The following L3MBTL4 variants were observed in gnomAD, a reference collection of about 807,000 sequenced individuals.
L3MBTL4 encodes the protein lethal(3)malignant brain tumor-like protein 4.
A neutral mutation model predicts 84.5 loss-of-function variants in L3MBTL4; 70 were observed. The observed-to-expected ratio is 0.83, with a 90% CI of 0.68 to 1.01. L3MBTL4 has a LOEUF of 1.01. Among genes scored for constraint, L3MBTL4 ranks in the 50% least tolerant of loss-of-function variants. L3MBTL4 has a pLI of 0.00. For synonymous variants in L3MBTL4, 274 were observed against 259.8 expected, an observed-to-expected ratio of 1.05 and a Z score of -0.52; for missense variants, 715 against 754.8, an observed-to-expected ratio of 0.95 and a Z score of 0.62.
intron 10 of L3MBTL4, among the ~76,000 whole-genome samples, chr18:6,230,587 G>T (rs2046958530): frequency 6.6e-6 from 1 of 151,918 alleles, no homozygotes; most frequent in Admixed American, 6.6e-5. Flanking sequence ...TATTCCTTTG[G>T]GTATATACTC....
At position 6,007,284 on chromosome 18, in the gene L3MBTL4, C is replaced by G. The variant is rs1450289746; in HGVS notation, c.1445-37722G>C. ...GCTAAGAAAAAAACTAACGTGGCAA[C>G]AGAAAGATTGCCCAATCAAACACAA... is the stretch of plus-strand genomic sequence containing the variant. On this transcript the variant is annotated intron_variant, in intron 16 of 18. Coordinates refer to ENST00000317931, the MANE Select transcript of L3MBTL4 (RefSeq NM_001330559.2). Among the ~76,000 whole-genome samples the G allele has an allele frequency of 2.0e-5, 3 of 150,962 alleles. No individual in the cohort carries two copies. The East Asian group carries it at 5.8e-4, about 29-fold the overall frequency.
intron 16 of L3MBTL4, among the ~76,000 whole-genome samples, chr18:6,053,566 C>T (rs11664944): frequency 0.13 from 19,858 of 152,202 alleles, 1,704 homozygotes; most frequent in Middle Eastern, 0.19. Flanking sequence ...TCATTAATGG[C>T]CTGTTCACTA....
At chr18:6,323,331 G>C (rs1364660711) in intron 1 of L3MBTL4, among the ~76,000 whole-genome samples, 1 of 152,226 alleles carries the variant, frequency 6.6e-6, no homozygotes, top group Non-Finnish European at 1.5e-5. Flanking sequence ...AACAGGCAGA[G>C]GCTGGAAGAG....
At chr18:6,334,430 G>C (rs538868221) in intron 1 of L3MBTL4, among the ~76,000 whole-genome samples, 17 of 152,210 alleles carry the variant, frequency 1.1e-4, no homozygotes, top group African/African-American at 3.9e-4. Context: ...TCAGTACTCA[G>C]ACTCGGAAGG....
rs575000853 is a variant in L3MBTL4 at position 5,991,949 on chromosome 18, G to A, written c.1445-22387C>T. On this transcript the variant is annotated intron_variant, in intron 16 of 18. Coordinates refer to ENST00000317931, the MANE Select transcript of L3MBTL4 (RefSeq NM_001330559.2). ...CGAGAAACCTCTATTGTGTAGCCCTGGGCTGTGGCTTTTGGCCAACAGTAC... is the reference window on the plus strand; with the variant it reads ...CGAGAAACCTCTATTGTGTAGCCCTAGGCTGTGGCTTTTGGCCAACAGTAC... 2.0e-5 allele frequency among the ~76,000 whole-genome samples: 3 copies of A among 151,288 alleles called. No individual in the cohort carries two copies. In the East Asian group the frequency reaches 5.9e-4, roughly 30 times the overall value.
At chr18:6,003,533 T>C (rs568799509) in intron 16 of L3MBTL4, among the ~76,000 whole-genome samples, 14 of 152,156 alleles carry the variant, frequency 9.2e-5, no homozygotes, top group South Asian at 2.1e-4. Flanking sequence ...AGAGGACTTG[T>C]ATGACACAAT....
chr18:5,958,130 A>AAGAAGAAGAAG (rs1555616536), intron 18 of L3MBTL4, among the ~76,000 whole-genome samples: 2 of 31,814 alleles, frequency 6.3e-5, no homozygotes, highest in Non-Finnish European at 1.6e-4. Flanking sequence ...AGAAGAAGAA[A>AAGAAGAAGAAG]AAGAAGAAGA....
intron 1 of L3MBTL4, among the ~76,000 whole-genome samples, chr18:6,332,293 C>T (rs2143187981): frequency 6.6e-6 from 1 of 152,266 alleles, no homozygotes; most frequent in Non-Finnish European, 1.5e-5. Context: ...TTAAAATAAG[C>T]CAAAGAGTTG....
intron 1 of L3MBTL4, among the ~76,000 whole-genome samples, chr18:6,333,914 C>G (rs1347201515): frequency 6.6e-6 from 1 of 152,188 alleles, no homozygotes; most frequent in Non-Finnish European, 1.5e-5. Flanking sequence ...TTACATATAT[C>G]TGTACTATCT....
intron 1 of L3MBTL4, among the ~76,000 whole-genome samples, chr18:6,345,417 CAAACAAAA>C (rs1386305164): frequency 2.7e-4 from 41 of 149,774 alleles, no homozygotes; most frequent in Admixed American, 4.6e-4. Context: ...AACAAACAAA[CAAACAAAA>C]AAAACCATAA....
chr18:6,148,218 A>T (rs995106517), intron 13 of L3MBTL4, among the ~76,000 whole-genome samples: 1 of 152,244 alleles, frequency 6.6e-6, no homozygotes, highest in East Asian at 1.9e-4. Context: ...AAAATGTCAC[A>T]TTAGTATTTT....
At chr18:5,987,886 C>T (rs2053534973) in intron 16 of L3MBTL4, among the ~76,000 whole-genome samples, 1 of 141,532 alleles carries the variant, frequency 7.1e-6, no homozygotes, top group African/African-American at 3.0e-5. Context: ...ACTTAATTCC[C>T]TGTTTAAAAA....
At chr18:5,959,092 G>T (rs182876440) in intron 18 of L3MBTL4, among the ~76,000 whole-genome samples, 2 of 152,298 alleles carry the variant, frequency 1.3e-5, no homozygotes, top group East Asian at 3.9e-4. Context: ...ACTGTGCTCG[G>T]AGGGGTCCAG....
chr18:6,055,927 C>T (rs1381751892), intron 16 of L3MBTL4, among the ~76,000 whole-genome samples: 1 of 152,064 alleles, frequency 6.6e-6, no homozygotes, highest in Non-Finnish European at 1.5e-5. Flanking sequence ...TTAAAGCATA[C>T]TAATATCAAC....
intron 1 of L3MBTL4, among the ~76,000 whole-genome samples, chr18:6,372,717 C>T (rs2054205414): frequency 6.6e-6 from 1 of 152,080 alleles, no homozygotes; most frequent in African/African-American, 2.4e-5. Flanking sequence ...TATGATCACC[C>T]TACTTATAAC....
intron 1 of L3MBTL4, among the ~76,000 whole-genome samples, chr18:6,339,942 A>G (rs2052529168): frequency 6.6e-6 from 1 of 152,138 alleles, no homozygotes; most frequent in Non-Finnish European, 1.5e-5. Context: ...AAATCTTTCT[A>G]TAAAGAAATC....
intron 13 of L3MBTL4, among the ~76,000 whole-genome samples, chr18:6,158,946 A>C (rs187976386): frequency 9.0e-4 from 137 of 152,274 alleles, no homozygotes; most frequent in African/African-American, 3.0e-3. Context: ...TCCTTGGAGG[A>C]AGGATCTTGA....
chr18:6,104,262 G>C (rs1001628436), intron 14 of L3MBTL4, among the ~76,000 whole-genome samples: 1 of 152,316 alleles, frequency 6.6e-6, no homozygotes, highest in East Asian at 1.9e-4. Flanking sequence ...ACGTCAAAGA[G>C]ATATTTGTAC....
chr18:6,168,902 T>A (rs567607905), intron 13 of L3MBTL4, among the ~76,000 whole-genome samples: 1 of 151,672 alleles, frequency 6.6e-6, no homozygotes, highest in Non-Finnish European at 1.5e-5. Context: ...ACCTACAGAA[T>A]GGGAGAAAAT....
Sources: gnomAD v4.1 joint callset for allele counts (sites outside exome capture counted in the v4.1 genomes callset) on GRCh38, gnomAD v4.1.1 for gene constraint, MANE v1.5 for transcripts, NCBI Gene and HGNC (gene_info 2026-07-23, HGNC 2026-07-21) for gene names.